MIPOL1: variants seen among roughly 807,000 people sequenced by gnomAD.
MIPOL1 encodes mirror-image polydactyly gene 1 protein.
MIPOL1 carries 57 observed loss-of-function variants against 60.9 expected under a neutral mutation model. The ratio of observed to expected loss-of-function variants is 0.94; its 90% confidence interval spans 0.76 to 1.17. MIPOL1 has a LOEUF of 1.17. Among genes scored for constraint, MIPOL1 ranks in the 50% most tolerant of loss-of-function variants. The probability of loss-of-function intolerance (pLI) is 0.00; values close to 1 mark genes in which losing one functional copy is unlikely to be tolerated. For missense variants in MIPOL1, 551 were observed against 511.6 expected, an observed-to-expected ratio of 1.08 and a Z score of -0.74; for synonymous variants, 179 against 168.8, an observed-to-expected ratio of 1.06 and a Z score of -0.47.
Position 37,464,803 on chromosome 14 carries a change from A to G in MIPOL1, c.1032-35105A>G, listed in dbSNP as rs527485921. Among the ~76,000 whole-genome samples the G allele has an allele frequency of 1.3e-4, 20 of 152,338 alleles. No homozygotes were observed. In the East Asian group the frequency reaches 3.9e-3, roughly 29 times the overall value. On this transcript the variant is annotated intron_variant, in intron 11 of 12. Coordinates refer to ENST00000684589, the MANE Select transcript of MIPOL1 (RefSeq NM_001388067.1). ...GTTAATGCAACTTATCTTTTCACAT[A>G]TAAGCAATTGTGTTTCAGTGCCAGA...
At chr14:37,277,243 CTAA>C (rs1165921846) in intron 6 of MIPOL1, 2 of 151,020 alleles carry the variant, frequency 1.3e-5, no homozygotes, top group African/African-American at 4.8e-5. Context: ...TTTCACACGT[CTAA>C]TGATTCTAAA....
chr14:37,467,287 A>G (rs1445397105), intron 11 of MIPOL1, among the ~76,000 whole-genome samples: 2 of 152,250 alleles, frequency 1.3e-5, no homozygotes, highest in Non-Finnish European at 2.9e-5. Flanking sequence ...AAATATAATG[A>G]AATAAATAAC....
chr14:37,403,594 T>C (rs2093532381), intron 10 of MIPOL1, among the ~76,000 whole-genome samples: 1 of 152,078 alleles, frequency 6.6e-6, no homozygotes, highest in African/African-American at 2.4e-5. Flanking sequence ...ATATTTTTTA[T>C]ATCAGACACC....
chr14:37,530,961 G>C (rs1274236722), intron 12 of MIPOL1, among the ~76,000 whole-genome samples: 1 of 151,888 alleles, frequency 6.6e-6, no homozygotes, highest in East Asian at 1.9e-4. Flanking sequence ...GAGATTACAG[G>C]TGCCCGCCCC....
At chr14:37,312,453 T>C (rs547715335) in intron 9 of MIPOL1, among the ~76,000 whole-genome samples, 1 of 152,284 alleles carries the variant, frequency 6.6e-6, no homozygotes, top group African/African-American at 2.4e-5. Flanking sequence ...TTTCTAATTA[T>C]GTCTTCTGTA....
chr14:37,371,211 C>T (rs895949950), intron 10 of MIPOL1, among the ~76,000 whole-genome samples: 1 of 149,188 alleles, frequency 6.7e-6, no homozygotes, highest in African/African-American at 2.5e-5. Flanking sequence ...ACTCTGCCCT[C>T]TGGGTTCAAG....
At chr14:37,319,644 G>A (rs1351093125) in intron 9 of MIPOL1, among the ~76,000 whole-genome samples, 1 of 152,138 alleles carries the variant, frequency 6.6e-6, no homozygotes, top group African/African-American at 2.4e-5. Flanking sequence ...GAAAGCTATG[G>A]AAGCTTCTAT....
chr14:37,430,119 T>C (rs1253078017), intron 11 of MIPOL1, among the ~76,000 whole-genome samples: 1 of 152,170 alleles, frequency 6.6e-6, no homozygotes, highest in Non-Finnish European at 1.5e-5. Flanking sequence ...TCTATGGAGC[T>C]ACATTATGGT....
intron 11 of MIPOL1, among the ~76,000 whole-genome samples, chr14:37,428,618 A>C (rs1304229259): frequency 6.7e-6 from 1 of 149,108 alleles, no homozygotes; most frequent in Non-Finnish European, 1.5e-5. Flanking sequence ...CTAATTAGTG[A>C]TACTGGCCTT....
intron 11 of MIPOL1, among the ~76,000 whole-genome samples, chr14:37,439,690 C>T (rs1380030737): frequency 6.6e-6 from 1 of 152,108 alleles, no homozygotes; most frequent in Non-Finnish European, 1.5e-5. Context: ...CAGTCTCGTG[C>T]ACATACCCCC....
intron 1 of MIPOL1, among the ~76,000 whole-genome samples, chr14:37,237,266 A>G (rs920504204): frequency 6.6e-6 from 1 of 152,010 alleles, no homozygotes; most frequent in Admixed American, 6.5e-5. Flanking sequence ...CAGCACAGAC[A>G]TGCACAACAA....
chr14:37,430,512 T>A (rs2094042579), intron 11 of MIPOL1, among the ~76,000 whole-genome samples: 1 of 149,382 alleles, frequency 6.7e-6, no homozygotes, highest in African/African-American at 2.4e-5. Flanking sequence ...TTTTTTTTTT[T>A]AAAAAAAAGT....
intron 11 of MIPOL1, among the ~76,000 whole-genome samples, chr14:37,465,324 T>C (rs2094585405): frequency 6.6e-6 from 1 of 152,162 alleles, no homozygotes; most frequent in African/African-American, 2.4e-5. Context: ...ACATTACACT[T>C]AGACCATCAA....
intron 9 of MIPOL1, among the ~76,000 whole-genome samples, chr14:37,366,373 T>G (rs1252289850): frequency 1.3e-5 from 2 of 152,032 alleles, no homozygotes; most frequent in Non-Finnish European, 2.9e-5. Flanking sequence ...TTTCAAGAAG[T>G]TTTTCAGTTT....
intron 1 of MIPOL1, among the ~76,000 whole-genome samples, chr14:37,200,489 A>C (rs1296556233): frequency 6.6e-6 from 1 of 152,160 alleles, no homozygotes; most frequent in Non-Finnish European, 1.5e-5. Context: ...GTGTTTATGG[A>C]AACAGAAAAT....
intron 11 of MIPOL1, among the ~76,000 whole-genome samples, chr14:37,466,304 G>A (rs556430666): frequency 1.2e-4 from 18 of 152,248 alleles, no homozygotes; most frequent in Admixed American, 1.2e-3. Context: ...TGATTAAAGT[G>A]AACATGATTT....
chr14:37,228,066 C>A (rs2153301995), intron 1 of MIPOL1, among the ~76,000 whole-genome samples: 1 of 152,232 alleles, frequency 6.6e-6, no homozygotes, highest in African/African-American at 2.4e-5. Flanking sequence ...TTTTACCCTG[C>A]CTTGACAGTA....
chr14:37,389,533 A>G (rs1241341972), intron 10 of MIPOL1, among the ~76,000 whole-genome samples: 1 of 151,820 alleles, frequency 6.6e-6, no homozygotes, highest in African/African-American at 2.4e-5. Context: ...TTTATATTAT[A>G]TATTTATTGT....
At chr14:37,243,419 G>A (rs1972660418) in intron 1 of MIPOL1, among the ~76,000 whole-genome samples, 1 of 152,110 alleles carries the variant, frequency 6.6e-6, no homozygotes, top group Non-Finnish European at 1.5e-5. Context: ...TGTGTTGTGT[G>A]ATAAAATATT....
Sources: allele counts gnomAD v4.1 joint callset (sites outside exome capture counted in the v4.1 genomes callset), GRCh38; gene constraint gnomAD v4.1.1; transcripts MANE v1.5; gene names NCBI Gene and HGNC (gene_info 2026-07-23, HGNC 2026-07-21).